Variants in ALMS1 observed in about 807,000 individuals in gnomAD.
ALMS1 encodes centrosome-associated protein ALMS1.
A neutral mutation model predicts 352.2 loss-of-function variants in ALMS1; 271 were observed. That is an observed-to-expected ratio of 0.77 (90% CI 0.70 to 0.85). The LOEUF (loss-of-function observed/expected upper bound fraction) is 0.85, where lower values mean the gene tolerates loss of function less well. ALMS1 is among the 40% of genes least tolerant of loss of function. The probability of loss-of-function intolerance (pLI) is 0.00; values close to 1 mark genes in which losing one functional copy is unlikely to be tolerated. For missense variants in ALMS1, 5,445 were observed against 4,870.7 expected, an observed-to-expected ratio of 1.12 and a Z score of -3.51; for synonymous variants, 1,865 against 1,761.2, an observed-to-expected ratio of 1.06 and a Z score of -1.48.
intron 1 of ALMS1, among the ~76,000 whole-genome samples, chr2:73,387,336 G>T (rs1019397548): frequency 6.6e-5 from 10 of 152,214 alleles, no homozygotes; most frequent in African/African-American, 2.4e-4. Flanking sequence ...GAGGCAGACA[G>T]ATTTCAGATG....
chr2:73,551,922 A>G (rs1190301721), intron 13 of ALMS1, among the ~76,000 whole-genome samples: 1 of 152,192 alleles, frequency 6.6e-6, no homozygotes, highest in Non-Finnish European at 1.5e-5. Context: ...AATAGGTGCT[A>G]CTGATCCCAG....
Position 73,455,209 on chromosome 2 carries a change from T to C in ALMS1, c.7588T>C (p.Ser2530Pro). 1.2e-6 allele frequency: 2 copies of C among 1,613,606 alleles called. No individual in the cohort carries two copies. Among genetic ancestry groups the C allele is most frequent in the Non-Finnish European group, 1.7e-6 (2 of 1,179,818 alleles). ...NLAHDCGYSI[S>P]ELNEDDRRKV... ...AGCACATGATTGTGGATACTCCATT[T>C]CAGAATTAAATGAAGATGACAGGAG... The change falls in exon 9 of 23, where the codon TCA becomes CCA. Residue 2530 changes from serine (S) to proline (P), a missense_variant. Ser to Pro is a moderately conservative substitution (Grantham distance 74). Coordinates refer to ENST00000613296, the MANE Select transcript of ALMS1 (RefSeq NM_001378454.1).
chr2:73,563,048 C>T (rs1674697764), intron 15 of ALMS1, among the ~76,000 whole-genome samples: 1 of 150,266 alleles, frequency 6.7e-6, no homozygotes, highest in South Asian at 2.1e-4. Flanking sequence ...AAATGAAAGA[C>T]AGCAAAGCAT....
chr2:73,539,366 C>A (rs940124809), intron 12 of ALMS1, among the ~76,000 whole-genome samples: 2 of 152,114 alleles, frequency 1.3e-5, no homozygotes, highest in African/African-American at 4.8e-5. Context: ...ACACCAAAAC[C>A]CCATCTGTAC....
intron 9 of ALMS1, among the ~76,000 whole-genome samples, chr2:73,460,349 T>G (rs926226147): frequency 9.8e-5 from 15 of 152,308 alleles, no homozygotes; most frequent in Middle Eastern, 3.4e-3. Flanking sequence ...GAAAATAAAT[T>G]ATATCTATCT....
chr2:73,605,741 G>T lies in ALMS1; in HGVS notation c.12362+2437G>T, dbSNP rs374345974. On this transcript the variant is annotated intron_variant, in intron 21 of 22. Coordinates refer to ENST00000613296, the MANE Select transcript of ALMS1 (RefSeq NM_001378454.1). ...ACCTGTAATCCCAGCTACTCTGGAG[G>T]CTGAGGCAGGAGAATTGCCTGAGCC... is the stretch of plus-strand genomic sequence containing the variant. Among the ~76,000 whole-genome samples, 4 of 152,198 alleles carry T rather than the reference G, an allele frequency of 2.6e-5. No homozygotes were observed. In the East Asian group the frequency reaches 5.8e-4, roughly 22 times the overall value.
chr2:73,608,616 T>C (rs1255719195), intron 22 of ALMS1, 42 bp downstream of exon 22: 1 of 1,498,962 alleles, frequency 6.7e-7, no homozygotes, highest in Non-Finnish European at 9.3e-7. Flanking sequence ...ATCAGGTTTA[T>C]TGGCGGAAAG....
At chr2:73,445,617 G>A (rs988172162) in intron 7 of ALMS1, among the ~76,000 whole-genome samples, 1 of 137,754 alleles carries the variant, frequency 7.3e-6, no homozygotes, top group African/African-American at 2.8e-5. Context: ...ATATACTTGG[G>A]GAAATAAAAC....
intron 22 of ALMS1, among the ~76,000 whole-genome samples, chr2:73,608,932 C>T (rs1338354952): frequency 6.6e-6 from 1 of 152,194 alleles, no homozygotes; most frequent in Admixed American, 6.5e-5. Flanking sequence ...GAGTCAGATA[C>T]CTTTAGAACT....
intron 9 of ALMS1, 54 bp from the exon 10 acceptor site, chr2:73,489,580 T>C (rs1158204558): frequency 1.2e-6 from 2 of 1,601,254 alleles, no homozygotes; most frequent in African/African-American, 2.7e-5. Flanking sequence ...AACTGATTTG[T>C]TTATAACTAC....
chr2:73,445,111 A>G (rs1438898941), intron 7 of ALMS1, among the ~76,000 whole-genome samples: 1 of 152,044 alleles, frequency 6.6e-6, no homozygotes, highest in African/African-American at 2.4e-5. Flanking sequence ...TATTTTTAAT[A>G]TTTATGAGAA....
intron 10 of ALMS1, among the ~76,000 whole-genome samples, chr2:73,509,601 G>C (rs917981825): frequency 2.0e-5 from 3 of 152,276 alleles, no homozygotes; most frequent in African/African-American, 7.2e-5. Flanking sequence ...CTCTCTTCTG[G>C]CTTGTAGGGT....
chr2:73,413,415 T>C (rs977621437), intron 2 of ALMS1, among the ~76,000 whole-genome samples: 3 of 152,208 alleles, frequency 2.0e-5, no homozygotes, highest in Admixed American at 6.5e-5. Flanking sequence ...TTCTTCTATG[T>C]TTTCTTCTAG....
At chr2:73,513,343 T>C (rs1042668863) in intron 10 of ALMS1, among the ~76,000 whole-genome samples, 1 of 152,188 alleles carries the variant, frequency 6.6e-6, no homozygotes, top group African/African-American at 2.4e-5. Context: ...CTCCCCATGC[T>C]GAACTACCCC....
At chr2:73,509,342 G>A (rs1016731822) in intron 10 of ALMS1, among the ~76,000 whole-genome samples, 1 of 152,072 alleles carries the variant, frequency 6.6e-6, no homozygotes, top group African/African-American at 2.4e-5. Context: ...TCTTCATAGT[G>A]TTGATGGTCT....
chr2:73,480,869 G>A (rs1227596873), intron 9 of ALMS1, among the ~76,000 whole-genome samples: 3 of 150,338 alleles, frequency 2.0e-5, no homozygotes, highest in East Asian at 1.9e-4. Context: ...CTGCATAAAT[G>A]TCTTCTTTTG....
At chr2:73,470,070 TTTTA>T (rs1158667774) in intron 9 of ALMS1, 3 of 151,842 alleles carry the variant, frequency 2.0e-5, no homozygotes, top group Admixed American at 6.6e-5. Flanking sequence ...TTATTTCTGA[TTTTA>T]TTTATTTGAG....
At chr2:73,477,249 C>A (rs1015682568) in intron 9 of ALMS1, among the ~76,000 whole-genome samples, 1 of 151,992 alleles carries the variant, frequency 6.6e-6, no homozygotes, top group African/African-American at 2.4e-5. Flanking sequence ...ACTCTTCTTT[C>A]CCTGTTGAAT....
intron 12 of ALMS1, among the ~76,000 whole-genome samples, chr2:73,543,141 C>T (rs1253740375): frequency 1.3e-5 from 2 of 152,184 alleles, no homozygotes; most frequent in African/African-American, 2.4e-5. Context: ...GTAACCAAAA[C>T]AGCATGGTAC....
Sources: allele counts gnomAD v4.1 joint callset (sites outside exome capture counted in the v4.1 genomes callset), GRCh38; gene constraint gnomAD v4.1.1; transcripts MANE v1.5; gene names NCBI Gene and HGNC (gene_info 2026-07-23, HGNC 2026-07-21).